The following CTNNA3 variants were observed in gnomAD, a reference collection of about 807,000 sequenced individuals.
The protein encoded by CTNNA3 is catenin alpha-3.
Under a neutral mutation model 95.7 loss-of-function variants are expected in CTNNA3, and 76 were observed. That is an observed-to-expected ratio of 0.79 (90% CI 0.66 to 0.96). The LOEUF (loss-of-function observed/expected upper bound fraction) is 0.96. Among genes scored for constraint, CTNNA3 ranks in the 40% least tolerant of loss-of-function variants. The pLI is 0.00. For missense variants in CTNNA3, 1,191 were observed against 1,089.8 expected (o/e 1.09, Z -1.31); for synonymous variants, 431 against 374.4 (o/e 1.15, Z -1.74).
chr10:66,796,528 A>T (rs1432231090), intron 7 of CTNNA3, among the ~76,000 whole-genome samples: 3 of 152,130 alleles, frequency 2.0e-5, no homozygotes, highest in Non-Finnish European at 4.4e-5. Context: ...TTAAAATATT[A>T]AAAGAATTAC....
intron 6 of CTNNA3, among the ~76,000 whole-genome samples, chr10:67,197,337 C>T (rs972114436): frequency 6.6e-6 from 1 of 151,998 alleles, no homozygotes; most frequent in African/African-American, 2.4e-5. Context: ...CCCAATTGTG[C>T]TCTATTTCTG....
intron 5 of CTNNA3, among the ~76,000 whole-genome samples, chr10:67,511,455 T>C (rs1839625390): frequency 6.6e-6 from 1 of 152,194 alleles, no homozygotes; most frequent in Admixed American, 6.5e-5. Context: ...GAGATAATCA[T>C]GTGGTTTTTG....
intron 12 of CTNNA3, among the ~76,000 whole-genome samples, chr10:66,330,154 G>C (rs139349754): frequency 6.6e-6 from 1 of 151,812 alleles, no homozygotes; most frequent in Non-Finnish European, 1.5e-5. Context: ...TGCCATGTTG[G>C]TGTGCTGCAT....
intron 1 of CTNNA3, among the ~76,000 whole-genome samples, chr10:67,687,107 G>A (rs546815398): frequency 3.0e-4 from 46 of 152,228 alleles, no homozygotes; most frequent in South Asian, 8.3e-4. Context: ...AGATGGTAAC[G>A]GACCTTGAGG....
chr10:67,739,870 A>G (rs1290641954), intron 1 of CTNNA3, among the ~76,000 whole-genome samples: 2 of 152,200 alleles, frequency 1.3e-5, no homozygotes, highest in Non-Finnish European at 2.9e-5. Context: ...AGCCAAAAGA[A>G]CAAAGCTGGA....
intron 7 of CTNNA3, among the ~76,000 whole-genome samples, chr10:67,017,839 G>A (rs975822640): frequency 2.6e-5 from 4 of 151,838 alleles, no homozygotes; most frequent in Admixed American, 6.6e-5. Flanking sequence ...GCCCAATCTC[G>A]GCTCACTGCA....
chr10:66,308,450 C>T lies in CTNNA3; in HGVS notation c.1733-27829G>A, dbSNP rs2091960147. Among the ~76,000 whole-genome samples, 4 of 152,102 alleles carry T rather than the reference C, an allele frequency of 2.6e-5. No homozygotes were observed. In the South Asian group the frequency reaches 8.3e-4, roughly 31 times the overall value. On this transcript the variant is annotated intron_variant, in intron 12 of 17. Transcript: ENST00000433211. Reference sequence around the variant, plus strand: ...GCATTGAATCCAATATGCCAAATGACTTTATTTCAGACTTTTGAGTAAGGA... The same window carrying T: ...GCATTGAATCCAATATGCCAAATGATTTTATTTCAGACTTTTGAGTAAGGA...
chr10:66,035,101 G>A (rs1416696417), intron 15 of CTNNA3, among the ~76,000 whole-genome samples: 1 of 151,816 alleles, frequency 6.6e-6, no homozygotes, highest in Non-Finnish European at 1.5e-5. Flanking sequence ...CCTTTGCCTG[G>A]CAGTCCTCAC....
intron 7 of CTNNA3, among the ~76,000 whole-genome samples, chr10:66,914,313 G>A (rs1284927565): frequency 6.6e-6 from 1 of 151,848 alleles, no homozygotes; most frequent in Non-Finnish European, 1.5e-5. Flanking sequence ...TGTATTTTTA[G>A]TAGAGACAGG....
intron 5 of CTNNA3, among the ~76,000 whole-genome samples, chr10:67,361,334 T>G (rs1842985097): frequency 6.6e-6 from 1 of 152,120 alleles, no homozygotes; most frequent in African/African-American, 2.4e-5. Flanking sequence ...ATTCTTCTCA[T>G]CTGCACACAG....
At chr10:67,741,545 C>A (rs1024613931) in intron 1 of CTNNA3, among the ~76,000 whole-genome samples, 28 of 151,092 alleles carry the variant, frequency 1.9e-4, no homozygotes, top group African/African-American at 6.5e-4. Context: ...CCAGCTACTG[C>A]AAAAACATGC....
chr10:67,124,375 G>GTGTGTGT lies in CTNNA3; in HGVS notation c.1047+55941_1047+55942insACACACA, dbSNP rs1564907325. On this transcript the variant is annotated intron_variant, in intron 7 of 17. Transcript: ENST00000433211. ...GTGTGTGTGTGTGTGTGTGTGTGTGGTCTATAAATGACTGTGGAAGGTTCT... is the reference window on the plus strand; with the variant it reads ...GTGTGTGTGTGTGTGTGTGTGTGTGGTGTGTGTTCTATAAATGACTGTGGAAGGTTCT... Among the ~76,000 whole-genome samples the GTGTGTGT allele has an allele frequency of 2.2e-3, 272 of 122,870 alleles. 1 individual carries two copies. Among genetic ancestry groups the GTGTGTGT allele is most frequent in the African/African-American group, 8.0e-3 (262 of 32,644 alleles). 80.6% of individuals were successfully genotyped at this position (122,870 alleles called of 152,430 possible). A position where few individuals can be genotyped will look rare whatever the true frequency, so the allele number is the denominator to read the frequency against.
At chr10:67,321,803 T>C (rs1255360184) in intron 5 of CTNNA3, among the ~76,000 whole-genome samples, 2 of 152,316 alleles carry the variant, frequency 1.3e-5, no homozygotes, top group East Asian at 3.9e-4. Context: ...TGCAAACTTG[T>C]ATGCAAAATT....
chr10:66,141,768 G>T (rs943151736), intron 13 of CTNNA3, among the ~76,000 whole-genome samples: 2 of 152,126 alleles, frequency 1.3e-5, no homozygotes, highest in Non-Finnish European at 2.9e-5. Flanking sequence ...ACTTAAAATT[G>T]TACTTAGAGA....
chr10:67,382,934 T>G (rs1844004045), intron 5 of CTNNA3, among the ~76,000 whole-genome samples: 3 of 152,174 alleles, frequency 2.0e-5, no homozygotes, highest in Non-Finnish European at 2.9e-5. Context: ...AAGCCATTCA[T>G]GAGTGATCAG....
At chr10:66,107,721 A>T (rs1443518396) in intron 13 of CTNNA3, among the ~76,000 whole-genome samples, 1 of 152,120 alleles carries the variant, frequency 6.6e-6, no homozygotes, top group Non-Finnish European at 1.5e-5. Context: ...TGGCATTATT[A>T]CAATTAAAAA....
rs1286162920 is a variant in CTNNA3, at chr10:65,917,399, T to C, written c.*2931A>G. Reference sequence around the variant, plus strand: ...GGAATGATTTCTATTTCTCACTTTTTATATTTGATAGAAATCTTCAAATTT... The same window carrying C: ...GGAATGATTTCTATTTCTCACTTTTCATATTTGATAGAAATCTTCAAATTT... On this transcript the variant is annotated 3_prime_UTR_variant, in exon 18 of 18. Coordinates refer to ENST00000433211, the MANE Select transcript of CTNNA3 (RefSeq NM_013266.4). 6.6e-6 allele frequency: 1 copy of C among 152,132 alleles called. No homozygotes were observed. Among genetic ancestry groups the C allele is most frequent in the Non-Finnish European group, 1.5e-5 (1 of 68,022 alleles). 9.4% of individuals were successfully genotyped at this position (152,132 alleles called of 1,614,324 possible). A position where few individuals can be genotyped will look rare whatever the true frequency, so the allele number is the denominator to read the frequency against.
intron 1 of CTNNA3, among the ~76,000 whole-genome samples, chr10:67,654,050 G>T (rs1281549876): frequency 6.6e-6 from 1 of 152,122 alleles, no homozygotes; most frequent in East Asian, 1.9e-4. Flanking sequence ...TACAGGCTGG[G>T]CTGTCAACTT....
chr10:66,201,735 C>A (rs562123889), intron 13 of CTNNA3, among the ~76,000 whole-genome samples: 76 of 146,624 alleles, frequency 5.2e-4, no homozygotes, highest in South Asian at 3.1e-3. Flanking sequence ...TATAACAACT[C>A]TTTTGGTTGT....
Sources: gnomAD v4.1 joint callset for allele counts (sites outside exome capture counted in the v4.1 genomes callset) on GRCh38, gnomAD v4.1.1 for gene constraint, MANE v1.5 for transcripts, NCBI Gene and HGNC (gene_info 2026-07-23, HGNC 2026-07-21) for gene names.